SGCD: variants seen among roughly 807,000 people sequenced by gnomAD.
SGCD encodes the protein delta-sarcoglycan.
A neutral mutation model predicts 36.6 loss-of-function variants in SGCD; 18 were observed. That is an observed-to-expected ratio of 0.49 (90% CI 0.34 to 0.73). The LOEUF is 0.73. SGCD is among the 30% of genes least tolerant of loss of function. SGCD has a pLI of 0.01. For synonymous variants in SGCD, 133 were observed against 130.6 expected (o/e 1.02, Z -0.12); for missense variants, 387 against 346.7 (o/e 1.12, Z -0.92).
At chr5:156,460,626 A>C (rs925121076) in intron 3 of SGCD, among the ~76,000 whole-genome samples, 1 of 152,184 alleles carries the variant, frequency 6.6e-6, no homozygotes, top group South Asian at 2.1e-4. Context: ...GACTGACTGA[A>C]TGAATGAATG....
chr5:156,722,242 T>A (rs1425244211), intron 7 of SGCD, among the ~76,000 whole-genome samples: 2 of 151,940 alleles, frequency 1.3e-5, no homozygotes, highest in African/African-American at 4.8e-5. Context: ...TCAAATTGCA[T>A]CTCCCAATAC....
rs374316988 is a variant in SGCD, at chr5:156,411,317, C to T, written c.192+66640C>T. ...TCATGAGTCATTTCCTTTCCCCACC[C>T]TCCTTGTAAACTGTAGCAGCAGAAG... On this transcript the variant is annotated intron_variant, in intron 3 of 8. Transcript: ENST00000337851. 7.2e-5 allele frequency among the ~76,000 whole-genome samples: 11 copies of T among 152,298 alleles called. No homozygotes were observed. The East Asian group carries it at 2.1e-3, about 29-fold the overall frequency.
At chr5:155,796,045 CA>C in the SGCD span, among the ~76,000 whole-genome samples, 1 of 152,088 alleles carries the variant, frequency 6.6e-6, no homozygotes, top group African/African-American at 2.4e-5. Flanking sequence ...TCTCTACAAC[CA>C]ATAGAACAGG....
At chr5:156,007,300 G>A (rs571840497) in intron 1 of SGCD, among the ~76,000 whole-genome samples, 2 of 152,210 alleles carry the variant, frequency 1.3e-5, no homozygotes, top group South Asian at 2.1e-4. Context: ...TGATGGCCCA[G>A]TAAACCCTGA....
chr5:156,691,223 AAAAG>A (rs1348713665), intron 7 of SGCD, among the ~76,000 whole-genome samples: 1 of 151,060 alleles, frequency 6.6e-6, no homozygotes, highest in Non-Finnish European at 1.5e-5. Context: ...AAAAAAAAAA[AAAAG>A]AGAGAGACCC....
At chr5:156,042,197 T>G (rs1476139659) in intron 1 of SGCD, among the ~76,000 whole-genome samples, 20 of 152,030 alleles carry the variant, frequency 1.3e-4, no homozygotes, top group Admixed American at 1.1e-3. Flanking sequence ...ATTTTTTTTT[T>G]TTGTCGATAG....
At chr5:156,574,052 G>A (rs928451261) in intron 4 of SGCD, among the ~76,000 whole-genome samples, 7 of 151,964 alleles carry the variant, frequency 4.6e-5, no homozygotes, top group African/African-American at 1.5e-4. Flanking sequence ...CCCTTTACTC[G>A]GCACTATGCT....
rs1253200707 is a variant in SGCD at position 156,063,462 on chromosome 5, T to A, written c.-281-54416T>A. ...GAACTTTAAAGTAGTTTTTTCCAAT[T>A]CTGTGAAGAAAGTCATTGGTAGCTT... On this transcript the variant is annotated intron_variant, in intron 1 of 9. Transcript: ENST00000517913. Among the ~76,000 whole-genome samples the A allele has an allele frequency of 9.5e-5, 12 of 126,622 alleles. No homozygotes were observed. In the East Asian group the frequency reaches 2.2e-3, roughly 23 times the overall value. 83.1% of individuals were successfully genotyped at this position (126,622 alleles called of 152,430 possible).
the SGCD span, among the ~76,000 whole-genome samples, chr5:155,735,397 A>C: frequency 6.6e-6 from 1 of 152,336 alleles, no homozygotes; most frequent in Non-Finnish European, 1.5e-5. Flanking sequence ...TCAGCCCAAA[A>C]GTTTGAAAAA....
the SGCD span, among the ~76,000 whole-genome samples, chr5:155,817,703 A>G: frequency 6.6e-6 from 1 of 152,128 alleles, no homozygotes; most frequent in Non-Finnish European, 1.5e-5. Context: ...AACCAGGAGA[A>G]TTTTTTGTCC....
intron 3 of SGCD, among the ~76,000 whole-genome samples, chr5:156,172,208 C>T (rs964066932): frequency 1.3e-5 from 2 of 152,094 alleles, no homozygotes; most frequent in Admixed American, 6.6e-5. Context: ...CGCTTGAACC[C>T]GGAGGCAGAG....
At chr5:155,942,796 A>T (rs375621378) in intron 1 of SGCD, among the ~76,000 whole-genome samples, 1 of 152,238 alleles carries the variant, frequency 6.6e-6, no homozygotes, top group Non-Finnish European at 1.5e-5. Flanking sequence ...AAATGTGAAG[A>T]TACTTAAGGC....
At chr5:156,019,611 TC>T (rs1194138425) in intron 1 of SGCD, among the ~76,000 whole-genome samples, 2 of 152,192 alleles carry the variant, frequency 1.3e-5, no homozygotes, top group Non-Finnish European at 2.9e-5. Flanking sequence ...GTGACTTATT[TC>T]ATATGAAAGC....
At chr5:155,853,324 A>G in the SGCD span, among the ~76,000 whole-genome samples, 4 of 152,124 alleles carry the variant, frequency 2.6e-5, no homozygotes, top group African/African-American at 9.7e-5. Context: ...TGCTATAAGA[A>G]AGCAATTTCA....
At chr5:156,154,546 A>G (rs903289404) in intron 3 of SGCD, among the ~76,000 whole-genome samples, 10 of 151,802 alleles carry the variant, frequency 6.6e-5, no homozygotes, top group Non-Finnish European at 1.2e-4. Context: ...CATTTTATCA[A>G]TCAGTAATAG....
chr5:156,706,068 C>A (rs281060), intron 7 of SGCD, among the ~76,000 whole-genome samples: 54 of 152,226 alleles, frequency 3.5e-4, no homozygotes, highest in Non-Finnish European at 5.6e-4. Flanking sequence ...TCTCTATGAA[C>A]GATAGAGAAG....
chr5:156,076,209 T>A (rs1760781456), intron 1 of SGCD, among the ~76,000 whole-genome samples: 2 of 152,014 alleles, frequency 1.3e-5, no homozygotes, highest in African/African-American at 2.4e-5. Context: ...AATTCACAGG[T>A]TTCTTTTTGT....
chr5:156,706,963 T>C (rs1754768854), intron 7 of SGCD, among the ~76,000 whole-genome samples: 1 of 152,134 alleles, frequency 6.6e-6, no homozygotes. Flanking sequence ...ATTTCTTACT[T>C]AAAGTAATTT....
intron 4 of SGCD, among the ~76,000 whole-genome samples, chr5:156,554,848 T>C (rs1014730483): frequency 6.6e-5 from 10 of 152,056 alleles, no homozygotes; most frequent in Admixed American, 2.6e-4. Flanking sequence ...CCCTTTTACA[T>C]TCCTTTCAAC....
Sources: gnomAD v4.1 joint callset for allele counts (sites outside exome capture counted in the v4.1 genomes callset) on GRCh38, gnomAD v4.1.1 for gene constraint, MANE v1.5 for transcripts, NCBI Gene and HGNC (gene_info 2026-07-23, HGNC 2026-07-21) for gene names.